The following MYO18B variants were observed in gnomAD, a reference collection of about 807,000 sequenced individuals.
MYO18B encodes unconventional myosin-XVIIIb.
Under a neutral mutation model 273.0 loss-of-function variants are expected in MYO18B, and 204 were observed. The ratio of observed to expected loss-of-function variants is 0.75; its 90% CI spans 0.67 to 0.84. The LOEUF (loss-of-function observed/expected upper bound fraction) is 0.84, where lower values mean the gene tolerates loss of function less well. MYO18B is among the 40% of genes least tolerant of loss of function. The pLI, the probability that MYO18B is intolerant of heterozygous loss-of-function variation, is 0.00. For missense variants in MYO18B, 3,212 were observed against 3,287.6 expected, an observed-to-expected ratio of 0.98 and a Z score of 0.56; for synonymous variants, 1,330 against 1,305.7, an observed-to-expected ratio of 1.02 and a Z score of -0.40.
intron 34 of MYO18B, among the ~76,000 whole-genome samples, chr22:25,939,320 C>T (rs1412039888): frequency 6.6e-6 from 1 of 152,236 alleles, no homozygotes; most frequent in Non-Finnish European, 1.5e-5. Context: ...GTACCCCAAT[C>T]ATGTCATCAA....
chr22:25,831,598 GTC>G (rs1008867891), intron 15 of MYO18B, among the ~76,000 whole-genome samples: 1 of 152,158 alleles, frequency 6.6e-6, no homozygotes. Flanking sequence ...AGCCAGCCTA[GTC>G]TCTAATTCCT....
intron 6 of MYO18B, among the ~76,000 whole-genome samples, chr22:25,771,891 T>C (rs1231232808): frequency 6.6e-6 from 1 of 152,216 alleles, no homozygotes. Context: ...AGTGAGGTGG[T>C]TTGGCCATTG....
At chr22:25,834,506 C>T (rs2089828283) in intron 16 of MYO18B, among the ~76,000 whole-genome samples, 1 of 152,216 alleles carries the variant, frequency 6.6e-6, no homozygotes, top group Non-Finnish European at 1.5e-5. Flanking sequence ...GGGTGACCAA[C>T]TGTCCTGGTT....
chr22:25,924,600 C>A (rs1235225997), intron 34 of MYO18B, among the ~76,000 whole-genome samples: 1 of 152,130 alleles, frequency 6.6e-6, no homozygotes, highest in Non-Finnish European at 1.5e-5. Flanking sequence ...AGCTAAAATA[C>A]CCTGGGAGAA....
chr22:25,749,280 A>G (rs971727220), intron 1 of MYO18B, among the ~76,000 whole-genome samples: 4 of 152,162 alleles, frequency 2.6e-5, no homozygotes, highest in African/African-American at 9.7e-5. Flanking sequence ...GGAACCAACA[A>G]AGCATGTTGA....
chr22:25,763,402 T>G lies in MYO18B; in HGVS notation c.198+13T>G. The G allele has an allele frequency of 6.2e-7, 1 of 1,603,650 alleles. No individual in the cohort carries two copies. Among genetic ancestry groups the G allele is most frequent in the Non-Finnish European group, 8.5e-7 (1 of 1,177,642 alleles). On this transcript the variant is annotated intron_variant, in intron 3 of 43. Coordinates refer to ENST00000335473, the MANE Select transcript of MYO18B (RefSeq NM_032608.7). Reference sequence around the variant, plus strand: ...TCCAGAACGAGAGGTAAGTGGTTCCTAAGAAGGAGGACCGTATGCGTTTCC... The same window carrying G: ...TCCAGAACGAGAGGTAAGTGGTTCCGAAGAAGGAGGACCGTATGCGTTTCC...
At position 25,965,279 on chromosome 22, in the gene MYO18B, G is replaced by A. The variant is rs117483271; in HGVS notation, c.6156+9915G>A. ...ATGGGAGGCGTAGAGCAGATTTGAG[G>A]ATAGCTTGTTTCCCTCTGTACTGGT... is the stretch of plus-strand genomic sequence containing the variant. On this transcript the variant is annotated intron_variant, in intron 39 of 43. Coordinates refer to ENST00000335473, the MANE Select transcript of MYO18B (RefSeq NM_032608.7). Among the ~76,000 whole-genome samples, 703 of 152,326 alleles carry A rather than the reference G, an allele frequency of 4.6e-3. 6 individuals carry two copies. Among genetic ancestry groups the A allele is most frequent in the Admixed American group, 9.1e-3 (139 of 15,304 alleles).
At position 25,780,118 on chromosome 22, in the gene MYO18B, A is replaced by C. The variant is rs1318175196; in HGVS notation, c.2131A>C (p.Ser711Arg). ...CTTCGGCTCTGTGTCCATGGCCCACAGCCGCAGTGCCACCCGGTTCTCCAT... is the reference window on the plus strand; with the variant it reads ...CTTCGGCTCTGTGTCCATGGCCCACCGCCGCAGTGCCACCCGGTTCTCCAT... ...RAFGSVSMAHSRSATRFSMVM... is the reference protein window; with the variant it reads ...RAFGSVSMAHRRSATRFSMVM... The change falls in exon 9 of 44, where the codon AGC (serine) becomes CGC (arginine). Residue 711 changes from serine to arginine, a missense_variant. Ser to Arg is a moderately radical substitution (Grantham distance 110). Coordinates refer to ENST00000335473, the MANE Select transcript of MYO18B (RefSeq NM_032608.7). The C allele has an allele frequency of 6.2e-7, 1 of 1,603,624 alleles. No homozygotes were observed. Among genetic ancestry groups the C allele is most frequent in the East Asian group, 2.2e-5 (1 of 44,534 alleles).
intron 21 of MYO18B, among the ~76,000 whole-genome samples, chr22:25,864,220 AACTC>A: frequency 6.6e-6 from 1 of 152,244 alleles, no homozygotes; most frequent in East Asian, 1.9e-4. Context: ...TATTGCCACA[AACTC>A]TCACTGTTTC....
intron 35 of MYO18B, among the ~76,000 whole-genome samples, chr22:25,946,775 G>A (rs1309885400): frequency 6.6e-6 from 1 of 152,050 alleles, no homozygotes; most frequent in Non-Finnish European, 1.5e-5. Context: ...CCTTATTGTG[G>A]GGCTACTGCA....
At chr22:26,000,581 C>CT (rs59924200) in intron 40 of MYO18B, among the ~76,000 whole-genome samples, 60,914 of 144,066 alleles carry the variant, frequency 0.42, 14,354 homozygotes, top group East Asian at 0.84. Context: ...GCCTGAAAGC[C>CT]TTTTTTTTTT....
intron 21 of MYO18B, among the ~76,000 whole-genome samples, chr22:25,853,197 C>T (rs1364815501): frequency 6.6e-6 from 1 of 152,244 alleles, no homozygotes; most frequent in Non-Finnish European, 1.5e-5. Flanking sequence ...ACACACAAGC[C>T]TCACAGACCA....
chr22:25,990,424 G>A (rs527314914), intron 39 of MYO18B, among the ~76,000 whole-genome samples: 5 of 152,156 alleles, frequency 3.3e-5, no homozygotes, highest in East Asian at 1.9e-4. Flanking sequence ...AGTGGCTCAC[G>A]CCTGTAATTC....
intron 40 of MYO18B, among the ~76,000 whole-genome samples, chr22:25,996,904 T>C (rs1478700327): frequency 6.6e-6 from 1 of 152,114 alleles, no homozygotes. Flanking sequence ...TCTTTCCCTT[T>C]CTCCTACCTT....
the MYO18B span, among the ~76,000 whole-genome samples, chr22:26,047,057 CAG>C: frequency 2.6e-5 from 4 of 151,440 alleles, no homozygotes; most frequent in Middle Eastern, 3.2e-3. Flanking sequence ...GGGGAGGTTA[CAG>C]AACTCCAAAG....
chr22:25,847,088 A>AAAAG (rs1555911186), intron 19 of MYO18B, among the ~76,000 whole-genome samples: 1 of 151,502 alleles, frequency 6.6e-6, no homozygotes, highest in Admixed American at 6.6e-5. Context: ...CAAAAAAAAA[A>AAAAG]AAATAAAGAA....
At chr22:25,932,544 G>C (rs761451549) in intron 34 of MYO18B, among the ~76,000 whole-genome samples, 2 of 151,884 alleles carry the variant, frequency 1.3e-5, no homozygotes, top group East Asian at 3.9e-4. Flanking sequence ...AAGTAGCTGG[G>C]ATTATAGGCA....
Position 25,981,326 on chromosome 22 carries a change from A to G in MYO18B, c.6157-11037A>G, listed in dbSNP as rs1000572110. ...CAATTGAGATGGGACAAATGTGAAGATCTTTTGATGTTACTGTGACAGCCA... is the reference window on the plus strand; with the variant it reads ...CAATTGAGATGGGACAAATGTGAAGGTCTTTTGATGTTACTGTGACAGCCA... On this transcript the variant is annotated intron_variant, in intron 39 of 43. Coordinates refer to ENST00000335473, the MANE Select transcript of MYO18B (RefSeq NM_032608.7). Among the ~76,000 whole-genome samples, 7 of 152,182 alleles carry G rather than the reference A, an allele frequency of 4.6e-5. No individual in the cohort carries two copies. The South Asian group carries it at 1.5e-3, about 32-fold the overall frequency.
At chr22:25,840,161 C>T (rs2269630) in intron 17 of MYO18B, among the ~76,000 whole-genome samples, 50,036 of 152,042 alleles carry the variant, frequency 0.33, 8,933 homozygotes, top group East Asian at 0.68. Context: ...CAACCCTGGG[C>T]GCTCCCCGAG....
Sources: gnomAD v4.1 joint callset for allele counts (sites outside exome capture counted in the v4.1 genomes callset) on GRCh38, gnomAD v4.1.1 for gene constraint, MANE v1.5 for transcripts, NCBI Gene and HGNC (gene_info 2026-07-23, HGNC 2026-07-21) for gene names.